CCDC178: variants seen among roughly 807,000 people sequenced by gnomAD.
CCDC178 encodes coiled-coil domain containing 178.
Under a neutral mutation model 117.4 loss-of-function variants are expected in CCDC178, and 126 were observed. That is an observed-to-expected ratio of 1.07 (90% CI 0.93 to 1.24). CCDC178 has a LOEUF of 1.24. Ranked by LOEUF, CCDC178 falls within the 50% of genes most tolerant of loss-of-function variation. The probability of loss-of-function intolerance (pLI) is 0.00; values close to 1 mark genes in which losing one functional copy is unlikely to be tolerated. For synonymous variants in CCDC178, 283 were observed against 313.4 expected (o/e 0.90, Z 1.02); for missense variants, 1,030 against 986.9 (o/e 1.04, Z -0.59).
At chr18:33,040,951 G>A (rs1598817432) in intron 21 of CCDC178, among the ~76,000 whole-genome samples, 2 of 151,930 alleles carry the variant, frequency 1.3e-5, no homozygotes, top group East Asian at 3.9e-4. Context: ...AAAGAATAGT[G>A]TGAATATGCC....
At chr18:32,965,664 C>A (rs1479455345) in intron 22 of CCDC178, among the ~76,000 whole-genome samples, 1 of 151,590 alleles carries the variant, frequency 6.6e-6, no homozygotes, top group East Asian at 1.9e-4. Flanking sequence ...TGACATTGTT[C>A]TATTAAGGAA....
chr18:33,232,287 A>T (rs1014207837), intron 15 of CCDC178, among the ~76,000 whole-genome samples: 1 of 150,842 alleles, frequency 6.6e-6, no homozygotes, highest in Non-Finnish European at 1.5e-5. Flanking sequence ...AAGGAGGACA[A>T]ACAGTCAATA....
chr18:33,337,551 T>C (rs2062757439), intron 9 of CCDC178, among the ~76,000 whole-genome samples: 1 of 152,038 alleles, frequency 6.6e-6, no homozygotes, highest in South Asian at 2.1e-4. Flanking sequence ...ATGGTATTGG[T>C]ATAAAAATGG....
At chr18:33,256,853 T>G (rs2059686468) in intron 14 of CCDC178, among the ~76,000 whole-genome samples, 1 of 152,044 alleles carries the variant, frequency 6.6e-6, no homozygotes, top group African/African-American at 2.4e-5. Flanking sequence ...TTTTTACAAG[T>G]TTTGGTGGAT....
intron 21 of CCDC178, among the ~76,000 whole-genome samples, chr18:33,032,089 G>A (rs1478070910): frequency 6.6e-6 from 1 of 152,140 alleles, no homozygotes; most frequent in East Asian, 1.9e-4. Context: ...AAACTTTAAG[G>A]AAAAGAATTG....
At chr18:32,976,631 T>C (rs74437195) in intron 21 of CCDC178, among the ~76,000 whole-genome samples, 1,865 of 152,202 alleles carry the variant, frequency 0.012, 42 homozygotes, top group African/African-American at 0.042. Context: ...TGACAAATAT[T>C]CCTGAAAATA....
chr18:32,968,606 T>C (rs1055524920), intron 22 of CCDC178, among the ~76,000 whole-genome samples: 3 of 152,072 alleles, frequency 2.0e-5, no homozygotes, highest in Non-Finnish European at 4.4e-5. Context: ...TGTACTAATT[T>C]ACATTAGAAA....
intron 5 of CCDC178, among the ~76,000 whole-genome samples, chr18:33,379,256 A>T (rs2063409359): frequency 7.0e-6 from 1 of 142,780 alleles, no homozygotes; most frequent in African/African-American, 2.6e-5. Flanking sequence ...CCTCCCTAGG[A>T]GTGTGATTGT....
intron 21 of CCDC178, among the ~76,000 whole-genome samples, chr18:33,045,402 A>G (rs1004912802): frequency 8.5e-5 from 13 of 152,132 alleles, no homozygotes; most frequent in African/African-American, 1.9e-4. Flanking sequence ...CTAGTTTTCA[A>G]CAAAGTGCTG....
intron 3 of CCDC178, among the ~76,000 whole-genome samples, chr18:33,408,193 C>A (rs1223337125): frequency 6.6e-6 from 1 of 151,718 alleles, no homozygotes; most frequent in African/African-American, 2.4e-5. Context: ...TAATAAAATT[C>A]ACAACAGGTT....
intron 20 of CCDC178, among the ~76,000 whole-genome samples, chr18:33,145,813 T>C (rs989188572): frequency 6.6e-6 from 1 of 152,188 alleles, no homozygotes; most frequent in Admixed American, 6.5e-5. Context: ...CAGTGCCCTT[T>C]GTTACTTTGT....
intron 2 of CCDC178, among the ~76,000 whole-genome samples, chr18:33,437,012 C>T (rs1231931753): frequency 6.6e-6 from 1 of 152,086 alleles, no homozygotes. Flanking sequence ...TATCCTTTGC[C>T]CGTTATAAAG....
chr18:33,033,420 A>C (rs1214044028), intron 21 of CCDC178, among the ~76,000 whole-genome samples: 1 of 152,070 alleles, frequency 6.6e-6, no homozygotes, highest in Non-Finnish European at 1.5e-5. Flanking sequence ...TTTCGGGATG[A>C]ATCCAACATT....
At chr18:33,282,316 C>T (rs893398100) in intron 12 of CCDC178, among the ~76,000 whole-genome samples, 15 of 152,112 alleles carry the variant, frequency 9.9e-5, no homozygotes, top group Non-Finnish European at 1.8e-4. Context: ...GGGTTTGGAG[C>T]GAGAGCATCT....
At chr18:32,973,701 A>G (rs1485952207) in intron 22 of CCDC178, among the ~76,000 whole-genome samples, 1 of 152,112 alleles carries the variant, frequency 6.6e-6, no homozygotes, top group Non-Finnish European at 1.5e-5. Context: ...AGTAATATGA[A>G]GTGCGTGTAT....
chr18:33,120,782 TTACTC>T (rs1352883700), intron 20 of CCDC178, among the ~76,000 whole-genome samples: 3 of 152,180 alleles, frequency 2.0e-5, no homozygotes, highest in Admixed American at 6.6e-5. Flanking sequence ...CTTCCTTATC[TTACTC>T]TAATTATTTA....
intron 5 of CCDC178, among the ~76,000 whole-genome samples, chr18:33,384,090 G>A (rs1449694426): frequency 2.0e-5 from 3 of 151,954 alleles, no homozygotes; most frequent in African/African-American, 7.3e-5. Flanking sequence ...TAGCTGAATC[G>A]ATCAAGCAGA....
rs149925119 is a variant in CCDC178, at chr18:33,175,339, C to T, written c.2238+36557G>A. On this transcript the variant is annotated intron_variant, in intron 20 of 22. Coordinates refer to ENST00000383096, the MANE Select transcript of CCDC178 (RefSeq NM_001105528.4). ...CTTGAGCTTCTAGTTCTCCTTTTAA[C>T]ATTTTTTTCTAGATAAAGTTGTTAT... Among the ~76,000 whole-genome samples the T allele has an allele frequency of 1.9e-3, 288 of 152,162 alleles. 1 individual carries two copies. Among genetic ancestry groups the T allele is most frequent in the African/African-American group, 6.5e-3 (268 of 41,534 alleles).
chr18:32,970,519 C>T (rs1213652923), intron 22 of CCDC178, among the ~76,000 whole-genome samples: 2 of 151,886 alleles, frequency 1.3e-5, no homozygotes, highest in African/African-American at 2.4e-5. Context: ...AATCGAGATA[C>T]TAAGCCACAG....
Sources: allele counts gnomAD v4.1 joint callset (sites outside exome capture counted in the v4.1 genomes callset), GRCh38; gene constraint gnomAD v4.1.1; transcripts MANE v1.5; gene names NCBI Gene and HGNC (gene_info 2026-07-23, HGNC 2026-07-21).